Variants in CSMD1 observed in about 807,000 individuals in gnomAD.
CSMD1 encodes the protein CUB and Sushi multiple domains 1, also known as CUB and sushi domain-containing protein 1.
Under a neutral mutation model 417.5 loss-of-function variants are expected in CSMD1, and 213 were observed. That is an observed-to-expected ratio of 0.51 (90% CI 0.46 to 0.57). CSMD1 has a LOEUF of 0.57. CSMD1 is among the 20% of genes least tolerant of loss of function. The pLI is 0.00. For missense variants in CSMD1, 6,923 were observed against 4,529.7 expected, an observed-to-expected ratio of 1.53 and a Z score of -15.17; for synonymous variants, 2,862 against 1,736.8, an observed-to-expected ratio of 1.65 and a Z score of -16.11.
At chr8:4,220,298 T>C (rs1800949351) in intron 3 of CSMD1, among the ~76,000 whole-genome samples, 1 of 152,198 alleles carries the variant, frequency 6.6e-6, no homozygotes, top group Non-Finnish European at 1.5e-5. Flanking sequence ...CTGACAAGGT[T>C]ATTTGACTGG....
intron 26 of CSMD1, among the ~76,000 whole-genome samples, chr8:3,267,305 T>A (rs1006525525): frequency 2.0e-5 from 3 of 152,200 alleles, no homozygotes; most frequent in African/African-American, 7.2e-5. Flanking sequence ...AGGCGTGATA[T>A]CCCACTGGGT....
chr8:2,942,374 T>C (rs1801936860), intron 69 of CSMD1, 98 bp downstream of exon 69: 2 of 1,020,708 alleles, frequency 2.0e-6, no homozygotes, highest in Admixed American at 5.4e-5. Context: ...CATAGTAATA[T>C]AAAATACATG....
At chr8:3,945,063 T>G (rs1363854710) in intron 5 of CSMD1, among the ~76,000 whole-genome samples, 1 of 152,098 alleles carries the variant, frequency 6.6e-6, no homozygotes, top group Non-Finnish European at 1.5e-5. Flanking sequence ...ATCCCTCATT[T>G]TATAAATGTT....
intron 3 of CSMD1, among the ~76,000 whole-genome samples, chr8:4,306,780 G>C (rs1404595740): frequency 1.3e-5 from 2 of 151,954 alleles, no homozygotes; most frequent in Non-Finnish European, 2.9e-5. Flanking sequence ...CCACAGATCA[G>C]CCCTTCTTTC....
chr8:4,512,426 A>T (rs367777642), intron 2 of CSMD1, among the ~76,000 whole-genome samples: 23 of 152,302 alleles, frequency 1.5e-4, no homozygotes, highest in East Asian at 1.4e-3. Flanking sequence ...ATCGTAGCTA[A>T]TGCAATAAAG....
intron 52 of CSMD1, among the ~76,000 whole-genome samples, chr8:3,013,428 C>T (rs35153746): frequency 0.015 from 2,349 of 152,242 alleles, 23 homozygotes; most frequent in East Asian, 0.038. Flanking sequence ...TGAATGACTA[C>T]TTTACTTTTC....
chr8:3,694,069 G>T (rs1438311098), intron 7 of CSMD1, among the ~76,000 whole-genome samples: 1 of 151,646 alleles, frequency 6.6e-6, no homozygotes, highest in Non-Finnish European at 1.5e-5. Context: ...TGTGTGTGTT[G>T]TGTGTGTTGG....
At chr8:3,761,893 T>G (rs566959546) in intron 5 of CSMD1, among the ~76,000 whole-genome samples, 1 of 152,200 alleles carries the variant, frequency 6.6e-6, no homozygotes, top group South Asian at 2.1e-4. Flanking sequence ...TCCCTGACAA[T>G]GATTTTTCTC....
intron 42 of CSMD1, among the ~76,000 whole-genome samples, chr8:3,114,767 C>T (rs976548693): frequency 1.3e-5 from 2 of 152,112 alleles, no homozygotes; most frequent in African/African-American, 4.8e-5. Context: ...TACCAATCAG[C>T]TTGGTAAACC....
intron 3 of CSMD1, among the ~76,000 whole-genome samples, chr8:4,365,130 G>C (rs1229215922): frequency 6.6e-6 from 1 of 152,132 alleles, no homozygotes; most frequent in East Asian, 1.9e-4. Flanking sequence ...GACATATAGT[G>C]AACTAATATA....
chr8:3,370,004 A>C (rs1207163540), intron 18 of CSMD1, among the ~76,000 whole-genome samples: 1 of 152,324 alleles, frequency 6.6e-6, no homozygotes, highest in South Asian at 2.1e-4. Flanking sequence ...AGGTGTTTGC[A>C]ATGATTGCCA....
At position 4,101,745 on chromosome 8, in the gene CSMD1, A is replaced by G. The variant is rs113909751; in HGVS notation, c.416-69646T>C. Reference sequence around the variant, plus strand: ...AGGAGAAAAGCAAACTGGGCCAATGATAAGTGAAAGCTTTTGCTTAGGACA... The same window carrying G: ...AGGAGAAAAGCAAACTGGGCCAATGGTAAGTGAAAGCTTTTGCTTAGGACA... On this transcript the variant is annotated intron_variant, in intron 3 of 69. Transcript: ENST00000635120. Among the ~76,000 whole-genome samples the G allele has an allele frequency of 7.9e-5, 12 of 152,354 alleles. No homozygotes were observed. The East Asian group carries it at 1.2e-3, about 15-fold the overall frequency.
chr8:3,532,659 G>C (rs1016604135), intron 10 of CSMD1, among the ~76,000 whole-genome samples: 2 of 152,038 alleles, frequency 1.3e-5, no homozygotes, highest in African/African-American at 4.8e-5. Flanking sequence ...AAACTGATCT[G>C]CAATTATAAT....
intron 3 of CSMD1, among the ~76,000 whole-genome samples, chr8:4,415,881 G>T (rs963302366): frequency 1.3e-5 from 2 of 152,188 alleles, no homozygotes; most frequent in African/African-American, 4.8e-5. Flanking sequence ...GAAACAGTGA[G>T]TGTATAAGGA....
intron 3 of CSMD1, among the ~76,000 whole-genome samples, chr8:4,150,167 C>G (rs1185437704): frequency 6.6e-6 from 1 of 152,114 alleles, no homozygotes; most frequent in African/African-American, 2.4e-5. Flanking sequence ...TAGACAAAAT[C>G]CAGGTATGTC....
chr8:3,312,045 A>G (rs1910376), intron 23 of CSMD1, among the ~76,000 whole-genome samples: 137,920 of 152,214 alleles, frequency 0.91, 62,762 homozygotes, highest in Middle Eastern at 0.96. Flanking sequence ...ATTTTCCTCT[A>G]CCCTAAAACT....
chr8:4,362,695 A>G (rs1051507924), intron 3 of CSMD1, among the ~76,000 whole-genome samples: 1 of 152,232 alleles, frequency 6.6e-6, no homozygotes, highest in African/African-American at 2.4e-5. Context: ...GGGATGACTG[A>G]TAAGATTTGT....
chr8:3,327,862 C>T (rs921911641), intron 23 of CSMD1, among the ~76,000 whole-genome samples: 1 of 152,122 alleles, frequency 6.6e-6, no homozygotes, highest in Non-Finnish European at 1.5e-5. Flanking sequence ...TGCCCTGTGT[C>T]CTTCTGTTGG....
At chr8:4,741,629 A>C (rs1810611106) in intron 1 of CSMD1, among the ~76,000 whole-genome samples, 2 of 152,194 alleles carry the variant, frequency 1.3e-5, no homozygotes, top group African/African-American at 4.8e-5. Context: ...GTAGGATGAC[A>C]AGAACACACA....
Sources: gnomAD v4.1 joint callset for allele counts (sites outside exome capture counted in the v4.1 genomes callset) on GRCh38, gnomAD v4.1.1 for gene constraint, MANE v1.5 for transcripts, NCBI Gene and HGNC (gene_info 2026-07-23, HGNC 2026-07-21) for gene names.